Variants in TEKT5 observed in about 807,000 individuals in gnomAD.
The protein encoded by TEKT5 is tektin-5.
A neutral mutation model predicts 48.7 loss-of-function variants in TEKT5; 52 were observed. The ratio of observed to expected loss-of-function variants is 1.07; its 90% CI spans 0.86 to 1.35. The LOEUF is 1.35. Among genes scored for constraint, TEKT5 ranks in the 40% most tolerant of loss-of-function variants. The probability of loss-of-function intolerance (pLI) is 0.00; values close to 1 mark genes in which losing one functional copy is unlikely to be tolerated. For synonymous variants in TEKT5, 318 were observed against 267.6 expected (o/e 1.19, Z -1.84); for missense variants, 831 against 641.6 (o/e 1.30, Z -3.19).
At chr16:10,641,546 G>A (rs1445669902) in intron 5 of TEKT5, among the ~76,000 whole-genome samples, 4 of 152,216 alleles carry the variant, frequency 2.6e-5, no homozygotes, top group East Asian at 1.9e-4. Context: ...GAGGCCTGGC[G>A]TGGTAGCTCA....
chr16:10,632,997 G>C (rs1897861115), intron 6 of TEKT5, among the ~76,000 whole-genome samples: 1 of 152,042 alleles, frequency 6.6e-6, no homozygotes. Flanking sequence ...ACGGGAAACG[G>C]GAAGGCAGAG....
At chr16:10,676,298 G>C (rs1358415771) in intron 4 of TEKT5, 117 bp from the exon 5 acceptor site, 13 of 979,998 alleles carry the variant, frequency 1.3e-5, no homozygotes, top group African/African-American at 4.8e-5. Flanking sequence ...GTGCATTGTA[G>C]GGTGCTTGGG....
In TEKT5 at chr16:10,681,876, C is replaced by A. The variant is rs889385069; in HGVS notation, c.863+117G>T. 8.0e-6 allele frequency: 11 copies of A among 1,370,152 alleles called. No homozygotes were observed. The African/African-American group carries it at 1.0e-4, about 13-fold the overall frequency. The allele number at this position is 1,370,152 out of a possible 1,614,324, so 84.9% of individuals were successfully genotyped here. ...CCTGCGCTAGAGGATCCCCGTTCAA[C>A]CATGCCACTTCCCACTTAACTGGTG... On this transcript the variant is annotated intron_variant, in intron 4 of 6. Transcript: ENST00000283025.
intron 6 of TEKT5, 95 bp from the exon 7 acceptor site, chr16:10,627,894 G>GT (rs1388165226): frequency 7.4e-6 from 9 of 1,211,522 alleles, no homozygotes; most frequent in Non-Finnish European, 1.0e-5. Flanking sequence ...CCAGGCTGGA[G>GT]TGCAGTGGCA....
At chr16:10,668,006 T>A (rs767194558) in intron 5 of TEKT5, among the ~76,000 whole-genome samples, 2 of 152,072 alleles carry the variant, frequency 1.3e-5, no homozygotes, top group African/African-American at 4.8e-5. Flanking sequence ...GCCTCCCAAG[T>A]AGCTGGAACT....
At chr16:10,636,409 C>A (rs1054850106) in intron 5 of TEKT5, among the ~76,000 whole-genome samples, 1 of 151,368 alleles carries the variant, frequency 6.6e-6, no homozygotes, top group Non-Finnish European at 1.5e-5. Flanking sequence ...CCCTGAGAAG[C>A]CGCTTCAGGT....
chr16:10,652,867 A>ACC (rs1465348210), intron 5 of TEKT5, among the ~76,000 whole-genome samples: 2 of 143,326 alleles, frequency 1.4e-5, no homozygotes, highest in Non-Finnish European at 3.1e-5. Context: ...ACACACACAC[A>ACC]CACCCTCCAG....
chr16:10,636,299 C>T (rs974796404), intron 5 of TEKT5, among the ~76,000 whole-genome samples: 22 of 151,538 alleles, frequency 1.5e-4, no homozygotes, highest in African/African-American at 4.9e-4. Context: ...CGCTTGAACC[C>T]GGGAGGCGGA....
chr16:10,643,033 T>C (rs942402251), intron 5 of TEKT5, among the ~76,000 whole-genome samples: 17 of 152,180 alleles, frequency 1.1e-4, no homozygotes, highest in Non-Finnish European at 2.5e-4. Context: ...GTTACCCTGA[T>C]CACTACACAT....
intron 5 of TEKT5, among the ~76,000 whole-genome samples, chr16:10,673,342 C>G (rs1232155715): frequency 6.6e-6 from 1 of 152,172 alleles, no homozygotes; most frequent in Non-Finnish European, 1.5e-5. Context: ...CATTTTTGTA[C>G]AGATTGTCCA....
chr16:10,672,756 T>G (rs377259711), intron 5 of TEKT5, among the ~76,000 whole-genome samples: 11 of 152,160 alleles, frequency 7.2e-5, no homozygotes, highest in African/African-American at 2.4e-4. Flanking sequence ...TCACAGCCAC[T>G]AGCACAAACA....
chr16:10,643,974 G>C (rs572924463), intron 5 of TEKT5, among the ~76,000 whole-genome samples: 4 of 152,162 alleles, frequency 2.6e-5, no homozygotes, highest in Non-Finnish European at 5.9e-5. Flanking sequence ...CCCGGGAGGA[G>C]GAGGTTGCAG....
chr16:10,646,594 A>AT lies in TEKT5; in HGVS notation c.1087-10677dup, dbSNP rs574204697. ...GCACCAAGAAATTGCTTAAAACAGAATTTTTTTTTTCAAAGAATCAAAGTC... is the reference window on the plus strand; with the variant it reads ...GCACCAAGAAATTGCTTAAAACAGAATTTTTTTTTTTCAAAGAATCAAAGTC... On this transcript the variant is annotated intron_variant, in intron 5 of 6. Coordinates refer to ENST00000283025, the MANE Select transcript of TEKT5 (RefSeq NM_144674.2). Among the ~76,000 whole-genome samples, 371 of 151,340 alleles carry AT rather than the reference A, an allele frequency of 2.5e-3. 2 individuals carry two copies. Among genetic ancestry groups the AT allele is most frequent in the Middle Eastern group, 6.8e-3 (2 of 292 alleles).
intron 1 of TEKT5, among the ~76,000 whole-genome samples, chr16:10,693,652 T>C (rs1263430490): frequency 1.3e-5 from 2 of 152,210 alleles, no homozygotes; most frequent in Non-Finnish European, 2.9e-5. Context: ...CAATCAAGTA[T>C]AGAGCATGTT....
At chr16:10,632,516 G>A (rs1014793943) in intron 6 of TEKT5, among the ~76,000 whole-genome samples, 3 of 151,922 alleles carry the variant, frequency 2.0e-5, no homozygotes, top group South Asian at 2.1e-4. Flanking sequence ...GGCTCATCTC[G>A]AACTCCTGGC....
chr16:10,635,808 G>C lies in TEKT5; in HGVS notation c.1197C>G (p.Thr399=). The change falls in exon 6 of 7, where the codon ACC becomes ACG. Residue 399 remains threonine, a synonymous_variant. Coordinates refer to ENST00000283025, the MANE Select transcript of TEKT5 (RefSeq NM_144674.2). ...KVAQTRLECR[T]RRPNMELCRD... is the part of the protein sequence containing the mutation. The stretch of plus-strand genomic sequence containing the variant: ...TGCACAGCTCCATGTTGGGGCGCCG[G>C]GTCCGGCACTCCAGCCTTGTCTGGG... The C allele has an allele frequency of 1.2e-6, 2 of 1,614,140 alleles. No individual in the cohort carries two copies.
chr16:10,681,928 C>G (rs748273970), intron 4 of TEKT5, 65 bp downstream of exon 4: 186 of 1,572,374 alleles, frequency 1.2e-4, no homozygotes, highest in Non-Finnish European at 1.5e-4. Context: ...CATTCGTTGG[C>G]AGGAGCAGAA....
chr16:10,635,718 T>C, intron 6 of TEKT5, 46 bp downstream of exon 6: 1 of 1,588,180 alleles, frequency 6.3e-7, no homozygotes, highest in South Asian at 1.1e-5. Context: ...TTCCCGTTCC[T>C]GGATTCCCAG....
intron 5 of TEKT5, among the ~76,000 whole-genome samples, chr16:10,641,700 T>C (rs1248786069): frequency 6.6e-6 from 1 of 152,160 alleles, no homozygotes; most frequent in Non-Finnish European, 1.5e-5. Flanking sequence ...TGCGCGCCTG[T>C]AGTCCCAGCT....
Sources: allele counts gnomAD v4.1 joint callset (sites outside exome capture counted in the v4.1 genomes callset), GRCh38; gene constraint gnomAD v4.1.1; transcripts MANE v1.5; gene names NCBI Gene and HGNC (gene_info 2026-07-23, HGNC 2026-07-21).